AKAP13: variants seen among roughly 807,000 people sequenced by gnomAD.
AKAP13 encodes the protein A-kinase anchoring protein 13, also known as A-kinase anchor protein 13.
AKAP13 carries 80 observed loss-of-function variants against 264.5 expected under a neutral mutation model. The ratio of observed to expected loss-of-function variants is 0.30; its 90% CI spans 0.25 to 0.36. The LOEUF (loss-of-function observed/expected upper bound fraction) is 0.36. Ranked by LOEUF, AKAP13 falls within the 10% of genes least tolerant of loss-of-function variation. The probability of loss-of-function intolerance (pLI) is 1.00; values close to 1 mark genes in which losing one functional copy is unlikely to be tolerated. For missense variants in AKAP13, 3,712 were observed against 3,435.2 expected, an observed-to-expected ratio of 1.08 and a Z score of -2.01; for synonymous variants, 1,380 against 1,250.2, an observed-to-expected ratio of 1.10 and a Z score of -2.19.
intron 1 of AKAP13, among the ~76,000 whole-genome samples, chr15:85,400,694 G>T (rs2071379319): frequency 6.6e-6 from 1 of 152,008 alleles, no homozygotes; most frequent in African/African-American, 2.4e-5. Flanking sequence ...ATAGGAAGTT[G>T]TAAGTCAGGT....
At chr15:85,418,047 T>TTTATTA (rs57875971) in intron 1 of AKAP13, among the ~76,000 whole-genome samples, 95 of 146,800 alleles carry the variant, frequency 6.5e-4, no homozygotes, top group African/African-American at 2.2e-3. Flanking sequence ...ATCTTCATTA[T>TTTATTA]TTATTATTAT....
intron 17 of AKAP13, among the ~76,000 whole-genome samples, chr15:85,705,183 C>CA (rs375701079): frequency 2.4e-4 from 37 of 152,320 alleles, no homozygotes; most frequent in African/African-American, 8.7e-4. Context: ...CTCAGACACT[C>CA]AAACACTGGC....
chr15:85,636,023 A>G (rs2082056900), intron 8 of AKAP13, among the ~76,000 whole-genome samples: 1 of 152,072 alleles, frequency 6.6e-6, no homozygotes, highest in African/African-American at 2.4e-5. Context: ...ACAATTAACA[A>G]CTGTATTGAG....
intron 3 of AKAP13, among the ~76,000 whole-genome samples, chr15:85,527,304 G>A (rs189034341): frequency 8.9e-4 from 135 of 152,202 alleles, no homozygotes; most frequent in African/African-American, 3.1e-3. Context: ...TCATAACTTT[G>A]GAACCATGAA....
rs137873197 is a variant in AKAP13 at position 85,638,223 on chromosome 15, C to A, written c.4162-1151C>A. ...TTTTTTTCAAATATTTGAGTTTTTC[C>A]CCAGTATCTTTTGTTTTGGATTTCT... On this transcript the variant is annotated intron_variant, in intron 8 of 36. Transcript: ENST00000394518. Among the ~76,000 whole-genome samples the A allele has an allele frequency of 2.2e-3, 332 of 152,156 alleles. 1 individual carries two copies. The highest frequency in any genetic ancestry group is 7.7e-3 in the African/African-American group (320 of 41,488).
rs1288196091 is a variant in AKAP13 at position 85,718,846 on chromosome 15, GC to G, written c.6002-228del. On this transcript the variant is annotated intron_variant, in intron 22 of 36. Transcript: ENST00000394518. The surrounding 1 kb of genome is among the most constrained non-coding windows in gnomAD (Gnocchi z 4.9). ...GCCCAGGAGGTTGAGGCTGCAATGA[GC>G]CATGACTTCAGCCTGCACTTCAGCC... 1 of 504,342 alleles carries G rather than the reference GC, an allele frequency of 2.0e-6. No homozygotes were observed. Among genetic ancestry groups the G allele is most frequent in the Non-Finnish European group, 3.5e-6 (1 of 285,086 alleles). The allele number at this position is 504,342 out of a possible 1,614,324, so 31.2% of individuals were successfully genotyped here.
intron 1 of AKAP13, among the ~76,000 whole-genome samples, chr15:85,421,075 C>T (rs530219421): frequency 1.8e-4 from 28 of 152,214 alleles, no homozygotes; most frequent in Admixed American, 1.4e-3. Context: ...GAAATGCAGG[C>T]GGTGATTTTG....
chr15:85,681,716 G>A (rs370153568), intron 14 of AKAP13, among the ~76,000 whole-genome samples: 1 of 151,582 alleles, frequency 6.6e-6, no homozygotes, highest in Non-Finnish European at 1.5e-5. Context: ...GAAAATATTA[G>A]AGATGAGCTA....
intron 7 of AKAP13, among the ~76,000 whole-genome samples, chr15:85,583,562 T>C (rs1220191800): frequency 6.6e-6 from 1 of 152,192 alleles, no homozygotes; most frequent in African/African-American, 2.4e-5. Context: ...CCCTGGCAGG[T>C]TGGCATTTCA....
At chr15:85,729,065 C>G (rs926667733) in intron 29 of AKAP13, among the ~76,000 whole-genome samples, 4 of 151,978 alleles carry the variant, frequency 2.6e-5, no homozygotes, top group African/African-American at 9.7e-5. Context: ...CTTTGGGAGG[C>G]CACGGCGGGC....
chr15:85,462,949 G>A (rs183613498), intron 1 of AKAP13, among the ~76,000 whole-genome samples: 6 of 147,090 alleles, frequency 4.1e-5, no homozygotes, highest in Middle Eastern at 3.5e-3. Flanking sequence ...GCGTGAACCC[G>A]GGAGGCGGAG....
chr15:85,419,683 C>T (rs1184930499), intron 1 of AKAP13, among the ~76,000 whole-genome samples: 1 of 152,004 alleles, frequency 6.6e-6, no homozygotes, highest in Non-Finnish European at 1.5e-5. Flanking sequence ...TGTCTCATTT[C>T]AAAATAATGA....
intron 10 of AKAP13, among the ~76,000 whole-genome samples, chr15:85,653,997 A>G (rs338537): frequency 0.55 from 83,833 of 152,034 alleles, 23,416 homozygotes; most frequent in Middle Eastern, 0.65. Flanking sequence ...GATTACAGGC[A>G]TGAGCCACTG....
chr15:85,599,805 G>A (rs750757297), intron 8 of AKAP13, among the ~76,000 whole-genome samples: 1 of 152,166 alleles, frequency 6.6e-6, no homozygotes, highest in Admixed American at 6.5e-5. Flanking sequence ...GGAGGCCAAG[G>A]TGGGAGGATT....
At chr15:85,400,462 A>T (rs1038356268) in intron 1 of AKAP13, among the ~76,000 whole-genome samples, 2 of 152,140 alleles carry the variant, frequency 1.3e-5, no homozygotes, top group African/African-American at 4.8e-5. Context: ...AAATACGTAT[A>T]ATCCACATAT....
At chr15:85,452,006 G>A (rs1263274276) in intron 1 of AKAP13, among the ~76,000 whole-genome samples, 1 of 151,768 alleles carries the variant, frequency 6.6e-6, no homozygotes, top group Non-Finnish European at 1.5e-5. Flanking sequence ...GGATGCCAGT[G>A]ATTTGTAGTT....
chr15:85,664,708 G>C lies in AKAP13; in HGVS notation c.4945G>C (p.Glu1649Gln), dbSNP rs2083498964. Residue 1649 changes from glutamate to glutamine, a missense_variant, in exon 13 of 37, where the codon GAG becomes CAG. Transcript: ENST00000394518. ...TGACTCTTTGGTGTCACTTTCAGAA[G>C]AGGATCTGGAGTCAGACCAGAGAGA... ...RVDSLVSLSEEDLESDQREHR... is the reference protein window; with the variant it reads ...RVDSLVSLSEQDLESDQREHR... 1 of 1,613,978 alleles carries C rather than the reference G, an allele frequency of 6.2e-7. No individual in the cohort carries two copies. The highest frequency in any genetic ancestry group is 8.5e-7 in the Non-Finnish European group (1 of 1,179,974).
chr15:85,714,631 G>A (rs1185698991), intron 19 of AKAP13, among the ~76,000 whole-genome samples: 3 of 152,162 alleles, frequency 2.0e-5, no homozygotes, highest in Admixed American at 6.5e-5. Context: ...CCTAAAGAAC[G>A]CTGCTCCCAG....
chr15:85,414,974 C>T (rs1366705992), intron 1 of AKAP13, among the ~76,000 whole-genome samples: 1 of 152,152 alleles, frequency 6.6e-6, no homozygotes, highest in Non-Finnish European at 1.5e-5. Flanking sequence ...AGTGTAACTT[C>T]AGAATGTGAG....
Sources: allele counts gnomAD v4.1 joint callset (sites outside exome capture counted in the v4.1 genomes callset), GRCh38; gene constraint gnomAD v4.1.1; non-coding constraint Gnocchi (gnomAD v3.1); transcripts MANE v1.5; gene names NCBI Gene and HGNC (gene_info 2026-07-23, HGNC 2026-07-21).